The following LRMDA variants were observed in gnomAD, a reference collection of about 807,000 sequenced individuals.
LRMDA encodes leucine rich melanocyte differentiation associated.
Under a neutral mutation model 29.8 loss-of-function variants are expected in LRMDA, and 18 were observed. The ratio of observed to expected loss-of-function variants is 0.60; its 90% CI spans 0.42 to 0.90. LRMDA has a LOEUF of 0.90. LRMDA is among the 40% of genes least tolerant of loss of function. LRMDA has a pLI of 0.00. For missense variants in LRMDA, 273 were observed against 273.9 expected, an observed-to-expected ratio of 1.00 and a Z score of 0.02; for synonymous variants, 125 against 109.4, an observed-to-expected ratio of 1.14 and a Z score of -0.89.
intron 2 of LRMDA, among the ~76,000 whole-genome samples, chr10:75,970,942 C>G (rs959490881): frequency 1.3e-4 from 20 of 152,060 alleles, no homozygotes; most frequent in Admixed American, 1.2e-3. Context: ...TCTAAATAAC[C>G]TGAGAAGGTA....
chr10:76,215,492 T>C (rs1851712570), intron 5 of LRMDA, among the ~76,000 whole-genome samples: 2 of 152,006 alleles, frequency 1.3e-5, no homozygotes, highest in African/African-American at 2.4e-5. Context: ...GCACAGGAGA[T>C]GAAGTCTGTT....
chr10:75,778,557 G>C (rs118147286), intron 2 of LRMDA, among the ~76,000 whole-genome samples: 1 of 152,146 alleles, frequency 6.6e-6, no homozygotes, highest in South Asian at 2.1e-4. Flanking sequence ...CAATGAGGAT[G>C]GGGGAGGCAC....
At chr10:76,056,435 G>T (rs1454964121) in intron 4 of LRMDA, among the ~76,000 whole-genome samples, 1 of 152,196 alleles carries the variant, frequency 6.6e-6, no homozygotes, top group African/African-American at 2.4e-5. Flanking sequence ...TTTCCACCTA[G>T]GAGCCTGTCT....
chr10:76,539,535 G>A (rs536276196), intron 6 of LRMDA, among the ~76,000 whole-genome samples: 1 of 152,032 alleles, frequency 6.6e-6, no homozygotes, highest in East Asian at 1.9e-4. Flanking sequence ...ATCCTGAGAG[G>A]GAACCTTTGA....
At chr10:76,061,264 T>A (rs949934899) in intron 5 of LRMDA, among the ~76,000 whole-genome samples, 1 of 152,110 alleles carries the variant, frequency 6.6e-6, no homozygotes, top group Non-Finnish European at 1.5e-5. Flanking sequence ...AGCAAACTAA[T>A]GCAGGAACAG....
At chr10:76,201,442 C>T (rs538003542) in intron 5 of LRMDA, among the ~76,000 whole-genome samples, 1 of 152,292 alleles carries the variant, frequency 6.6e-6, no homozygotes, top group South Asian at 2.1e-4. Flanking sequence ...AATGATTTGT[C>T]GAATGTCACA....
chr10:75,940,718 A>T (rs2132409510), intron 2 of LRMDA, among the ~76,000 whole-genome samples: 1 of 152,230 alleles, frequency 6.6e-6, no homozygotes, highest in South Asian at 2.1e-4. Flanking sequence ...GGTGCTTCAT[A>T]AATATTCATT....
At chr10:75,551,211 A>G (rs959389505) in intron 2 of LRMDA, among the ~76,000 whole-genome samples, 1 of 151,570 alleles carries the variant, frequency 6.6e-6, no homozygotes, top group Non-Finnish European at 1.5e-5. Context: ...TTCCACAGAA[A>G]TAGAACAGTA....
At chr10:76,157,966 T>C (rs1850570762) in intron 5 of LRMDA, among the ~76,000 whole-genome samples, 3 of 141,110 alleles carry the variant, frequency 2.1e-5, no homozygotes, top group Admixed American at 1.5e-4. Flanking sequence ...ATGGTAAGTA[T>C]TTGTGTATCT....
chr10:75,578,735 G>A (rs1450654024), intron 2 of LRMDA, among the ~76,000 whole-genome samples: 1 of 150,576 alleles, frequency 6.6e-6, no homozygotes, highest in African/African-American at 2.4e-5. Context: ...TCAGGATTAA[G>A]AAACGCACTC....
At chr10:75,931,052 A>C (rs1217474771) in intron 2 of LRMDA, among the ~76,000 whole-genome samples, 2 of 152,188 alleles carry the variant, frequency 1.3e-5, no homozygotes, top group Non-Finnish European at 2.9e-5. Context: ...TTTCTAAGGA[A>C]CAGACAAGAG....
intron 2 of LRMDA, among the ~76,000 whole-genome samples, chr10:75,630,877 G>A (rs1370260985): frequency 2.6e-5 from 4 of 152,152 alleles, no homozygotes; most frequent in Non-Finnish European, 5.9e-5. Context: ...CTAGAAAAAG[G>A]AGCTGAAGAA....
chr10:75,648,958 C>T (rs899822778), intron 2 of LRMDA, among the ~76,000 whole-genome samples: 1 of 152,172 alleles, frequency 6.6e-6, no homozygotes, highest in Non-Finnish European at 1.5e-5. Context: ...GCTGTGGTCC[C>T]ATGTAACCCA....
At chr10:76,475,850 A>G (rs572388838) in intron 6 of LRMDA, among the ~76,000 whole-genome samples, 1 of 152,244 alleles carries the variant, frequency 6.6e-6, no homozygotes, top group East Asian at 1.9e-4. Flanking sequence ...TTTGAAACCA[A>G]CGAGAACAAA....
chr10:75,516,598 T>C (rs996607304), intron 2 of LRMDA, among the ~76,000 whole-genome samples: 1 of 152,166 alleles, frequency 6.6e-6, no homozygotes, highest in Non-Finnish European at 1.5e-5. Flanking sequence ...TTCTGGATAT[T>C]AGCCCATTGT....
chr10:75,466,157 C>T (rs1012442041), intron 2 of LRMDA, among the ~76,000 whole-genome samples: 4 of 152,132 alleles, frequency 2.6e-5, no homozygotes, highest in African/African-American at 9.7e-5. Flanking sequence ...GCTTCCCAGG[C>T]GAGAACCATA....
At chr10:75,513,670 T>A (rs1327320528) in intron 2 of LRMDA, among the ~76,000 whole-genome samples, 3 of 152,202 alleles carry the variant, frequency 2.0e-5, no homozygotes, top group Admixed American at 1.3e-4. Context: ...TCCCAGCTTC[T>A]AAGGCTGCTA....
At chr10:76,331,717 T>C (rs912985107) in intron 6 of LRMDA, among the ~76,000 whole-genome samples, 1 of 152,170 alleles carries the variant, frequency 6.6e-6, no homozygotes, top group South Asian at 2.1e-4. Context: ...GCAGAACTAT[T>C]ATTAGCATTT....
At chr10:76,266,992 C>T (rs558007495) in intron 5 of LRMDA, among the ~76,000 whole-genome samples, 7 of 152,110 alleles carry the variant, frequency 4.6e-5, no homozygotes, top group Non-Finnish European at 8.8e-5. Context: ...GACACATTAT[C>T]AAGAGTGCTG....
Sources: gnomAD v4.1 joint callset for allele counts (sites outside exome capture counted in the v4.1 genomes callset) on GRCh38, gnomAD v4.1.1 for gene constraint, MANE v1.5 for transcripts, NCBI Gene and HGNC (gene_info 2026-07-23, HGNC 2026-07-21) for gene names.